The following SRCIN1 variants were observed in gnomAD, a reference collection of about 807,000 sequenced individuals.
SRCIN1 encodes the protein P130Cas-associated protein.
In SRCIN1, 50 loss-of-function variants were observed where a neutral mutation model predicts 116.2. The ratio of observed to expected loss-of-function variants is 0.43; its 90% CI spans 0.34 to 0.54. The LOEUF (loss-of-function observed/expected upper bound fraction) is 0.54, where lower values mean the gene tolerates loss of function less well. SRCIN1 is among the 20% of genes least tolerant of loss of function. SRCIN1 has a pLI of 0.02. For missense variants in SRCIN1, 1,446 were observed against 1,672.0 expected (o/e 0.86, Z 2.36); for synonymous variants, 736 against 750.0 (o/e 0.98, Z 0.30).
intron 18 of SRCIN1, among the ~76,000 whole-genome samples, chr17:38,537,795 A>C (rs1162819055): frequency 1.4e-5 from 2 of 141,902 alleles, no homozygotes; most frequent in Non-Finnish European, 3.1e-5. Flanking sequence ...CGTGTCAAAA[A>C]AAAAAAAGAA....
intron 7 of SRCIN1, among the ~76,000 whole-genome samples, chr17:38,561,235 C>T (rs1906215221): frequency 6.6e-6 from 1 of 152,214 alleles, no homozygotes; most frequent in South Asian, 2.1e-4. Flanking sequence ...GACCTCTCAA[C>T]CACCCCCTCC....
At position 38,561,838 on chromosome 17, in the gene SRCIN1, G is replaced by C; in HGVS notation, c.1325C>G (p.Ala442Gly). 1.4e-6 allele frequency: 2 copies of C among 1,476,374 alleles called. No individual in the cohort carries two copies. Among genetic ancestry groups the C allele is most frequent in the South Asian group, 1.3e-5 (1 of 76,952 alleles). 91.5% of individuals were successfully genotyped at this position (1,476,374 alleles called of 1,614,324 possible). A position where few individuals can be genotyped will look rare whatever the true frequency, so the allele number is the denominator to read the frequency against. Residue 442 changes from alanine (A) to glycine (G), a missense_variant, in exon 7 of 19, where the codon GCG (alanine) becomes GGG (glycine). Physicochemically the swap from Ala to Gly is moderately conservative, Grantham distance 60 (BLOSUM62 0). This residue lies in a region of SRCIN1 where 398 missense variants were observed against 385.6 expected (regional missense o/e 1.03). Transcript: ENST00000617146. ...GGAGTCCTCCAGATCGGACTGCAGC[G>C]CGGCGGCCGAGTAGGTGCTGAGCGA... The part of the protein sequence containing the change: ...VRSLSTYSAA[A>G]LQSDLEDSLY...
chr17:38,560,276 C>A, intron 8 of SRCIN1, 57 bp downstream of exon 8: 1 of 1,534,972 alleles, frequency 6.5e-7, no homozygotes. Flanking sequence ...TGCCCATTTC[C>A]CCTTCCTCCT....
chr17:38,554,327 C>A (rs1355350804), intron 11 of SRCIN1, among the ~76,000 whole-genome samples: 1 of 152,186 alleles, frequency 6.6e-6, no homozygotes, highest in African/African-American at 2.4e-5. Context: ...TCTTGTTTTC[C>A]GTGCTGCTGT....
chr17:38,578,677 T>C lies in SRCIN1; in HGVS notation c.137A>G (p.Asn46Ser), dbSNP rs1340354004. 3.9e-6 allele frequency: 6 copies of C among 1,554,012 alleles called. No individual in the cohort carries two copies. The highest frequency in any genetic ancestry group is 1.9e-5 in the Admixed American group (1 of 52,230). ...GGGSGGRRFSNVGLVHTSERR... is the reference protein window; with the variant it reads ...GGGSGGRRFSSVGLVHTSERR... ...CTCGGACGTGTGCACCAGCCCCACG[T>C]TGGAGAAGCGCCGGCCCCCGCTGCC... The change falls in exon 2 of 19, where the codon AAC becomes AGC. Residue 46 changes from asparagine (N) to serine (S), a missense_variant. Asn to Ser is a conservative substitution (Grantham distance 46). Transcript: ENST00000617146.
chr17:38,604,787 AG>A lies in SRCIN1; in HGVS notation c.22+896del, dbSNP rs1353767476. 2.7e-5 allele frequency among the ~76,000 whole-genome samples: 4 copies of A among 147,236 alleles called. No homozygotes were observed. The highest frequency in any genetic ancestry group is 6.7e-5 in the Admixed American group (1 of 14,934). On this transcript the variant is annotated intron_variant, in intron 1 of 18. Transcript: ENST00000617146. This position sits in a 1 kb window ranked among gnomAD's most constrained non-coding sequence, Gnocchi z 4.3. ...GTAGCAGGGGGGTGCGTGGGAGGGG[AG>A]GGGGGGCCACGGTGCGTCCCCTTCC...
rs568302959 is a variant in SRCIN1, at chr17:38,552,465, G to A, written c.2462C>T (p.Thr821Met). ...GAATGACCTTCGGATCTGGGCCAGC[G>A]TGTCCGTGACCCCGCGGCAGCGCTT... ...LLKRCRGVTD[T>M]LAQIRRQVDE... is the part of the protein sequence containing the mutation. Residue 821 changes from threonine to methionine, a missense_variant, in exon 13 of 19, where the codon ACG becomes ATG. Physicochemically the swap from Thr to Met is moderately conservative, Grantham distance 81 (BLOSUM62 -1). Around this residue, in one of 5 missense-constraint regions of SRCIN1, gnomAD observed 531 missense variants for 633.9 expected, o/e 0.84. Transcript: ENST00000617146. This position sits in a 1 kb window ranked among gnomAD's most constrained non-coding sequence, Gnocchi z 5.3. 4.3e-5 allele frequency: 69 copies of A among 1,602,836 alleles called. No individual in the cohort carries two copies. In the East Asian group the frequency reaches 1.3e-3, roughly 30 times the overall value.
Position 38,552,655 on chromosome 17 carries a change from G to A in SRCIN1, c.2333-61C>T. 1 of 1,613,146 alleles carries A rather than the reference G, an allele frequency of 6.2e-7. No individual in the cohort carries two copies. The highest frequency in any genetic ancestry group is 8.5e-7 in the Non-Finnish European group (1 of 1,179,792). On this transcript the variant is annotated intron_variant, in intron 12 of 18. Coordinates refer to ENST00000617146, the MANE Select transcript of SRCIN1 (RefSeq NM_025248.3). This position sits in a 1 kb window ranked among gnomAD's most constrained non-coding sequence, Gnocchi z 5.3. ...GGAGCACCACAGACTGGGAGGAGAG[G>A]ATGGTGGCTGGAGTATGGCAGACTT... is the stretch of plus-strand genomic sequence containing the variant.
rs1367647416 is a variant in SRCIN1, at chr17:38,558,440, A to G, written c.2026-38T>C. 6 of 1,549,520 alleles carry G rather than the reference A, an allele frequency of 3.9e-6. No individual in the cohort carries two copies. The highest frequency in any genetic ancestry group is 3.5e-6 in the Non-Finnish European group (4 of 1,155,602). On this transcript the variant is annotated intron_variant, in intron 10 of 18. Transcript: ENST00000617146. This position sits in a 1 kb window ranked among gnomAD's most constrained non-coding sequence, Gnocchi z 4.6. ...CGGACGGATGGACCCGGGTGGGGGG[A>G]GCGGAGCCGCGAGGCAGGGGAAGGG...
At chr17:38,571,778 G>A (rs1258541552) in intron 2 of SRCIN1, among the ~76,000 whole-genome samples, 2 of 152,166 alleles carry the variant, frequency 1.3e-5, no homozygotes, top group Admixed American at 6.5e-5. Flanking sequence ...TGTGAGAAAC[G>A]GGGGAAAGGA....
intron 18 of SRCIN1, among the ~76,000 whole-genome samples, chr17:38,537,998 G>T: frequency 6.6e-6 from 1 of 151,616 alleles, no homozygotes; most frequent in East Asian, 1.9e-4. Context: ...TACTCGGGAG[G>T]CTGAGGCAGG....
intron 1 of SRCIN1, among the ~76,000 whole-genome samples, chr17:38,598,458 C>G (rs1176308230): frequency 2.0e-5 from 3 of 152,178 alleles, no homozygotes; most frequent in Non-Finnish European, 4.4e-5. Flanking sequence ...CTCCCCAGCT[C>G]TGCACAAGCA....
intron 18 of SRCIN1, among the ~76,000 whole-genome samples, chr17:38,535,334 G>A (rs1194034295): frequency 6.6e-6 from 1 of 150,780 alleles, no homozygotes; most frequent in Non-Finnish European, 1.5e-5. Context: ...TCAGCCTCCC[G>A]AGTAGCTGGA....
In SRCIN1 at chr17:38,563,367, G is replaced by A. The variant is rs1251065086; in HGVS notation, c.696C>T (p.Ile232=). 6.3e-7 allele frequency: 1 copy of A among 1,581,542 alleles called. No homozygotes were observed. The highest frequency in any genetic ancestry group is 1.2e-5 in the South Asian group (1 of 85,944). The stretch of plus-strand genomic sequence containing the variant: ...AGAAGACGTTGCGAGCCTCGTCTTT[G>A]ATGAGGATGGCGGTATTGGGCGACT... ...MLKSPNTAIL[I]KDEARNVFYE... is the part of the protein sequence containing the mutation. The change falls in exon 5 of 19, where the codon ATC becomes ATT. Residue 232 remains isoleucine, a synonymous_variant. Transcript: ENST00000617146. The surrounding 1 kb of genome is among the most constrained non-coding windows in gnomAD (Gnocchi z 5.8).
chr17:38,595,352 G>A (rs1908668240), intron 1 of SRCIN1, among the ~76,000 whole-genome samples: 1 of 152,012 alleles, frequency 6.6e-6, no homozygotes, highest in South Asian at 2.1e-4. Context: ...TGAGTAGCTG[G>A]GATTACAGAC....
At chr17:38,600,817 G>A (rs1012992786) in intron 1 of SRCIN1, among the ~76,000 whole-genome samples, 5 of 152,240 alleles carry the variant, frequency 3.3e-5, no homozygotes, top group Non-Finnish European at 7.3e-5. Flanking sequence ...AAGTGCTGAG[G>A]GCAGGGGTCC....
chr17:38,580,327 G>T (rs1907716005), intron 1 of SRCIN1, among the ~76,000 whole-genome samples: 1 of 152,122 alleles, frequency 6.6e-6, no homozygotes, highest in Non-Finnish European at 1.5e-5. Context: ...CCTGGGCAAT[G>T]GTTGGGTTGT....
Position 38,570,508 on chromosome 17 carries a change from C to T in SRCIN1, c.325-2277G>A, listed in dbSNP as rs536933210. ...AGCCCCAGGTCAGGGTGCCACTGTC[C>T]CATGCCTATCATGTCCCAGATATCA... is the stretch of plus-strand genomic sequence containing the variant. On this transcript the variant is annotated intron_variant, in intron 2 of 18. Coordinates refer to ENST00000617146, the MANE Select transcript of SRCIN1 (RefSeq NM_025248.3). 8.5e-5 allele frequency among the ~76,000 whole-genome samples: 13 copies of T among 152,352 alleles called. No individual in the cohort carries two copies. In the East Asian group the frequency reaches 2.1e-3, roughly 25 times the overall value.
chr17:38,598,611 A>C (rs71384245), intron 1 of SRCIN1, among the ~76,000 whole-genome samples: 29 of 152,138 alleles, frequency 1.9e-4, no homozygotes, highest in African/African-American at 6.5e-4. Context: ...AGTGCCCTGG[A>C]ATGCGTGTGT....
Sources: allele counts gnomAD v4.1 joint callset (sites outside exome capture counted in the v4.1 genomes callset), GRCh38; gene constraint gnomAD v4.1.1; regional missense constraint gnomAD v4.1.1; non-coding constraint Gnocchi (gnomAD v3.1); transcripts MANE v1.5; gene names NCBI Gene and HGNC (gene_info 2026-07-23, HGNC 2026-07-21).